FGF14: variants seen among roughly 807,000 people sequenced by gnomAD.
FGF14 encodes fibroblast growth factor 14, also known as fibroblast growth factor homologous factor 4.
FGF14 carries 5 observed loss-of-function variants against 25.5 expected under a neutral mutation model. The ratio of observed to expected loss-of-function variants is 0.20; its 90% CI spans 0.10 to 0.41. The LOEUF (loss-of-function observed/expected upper bound fraction) is 0.41. Ranked by LOEUF, FGF14 falls within the 10% of genes least tolerant of loss-of-function variation. The pLI, the probability that FGF14 is intolerant of heterozygous loss-of-function variation, is 1.00. For synonymous variants in FGF14, 138 were observed against 118.3 expected (o/e 1.17, Z -1.08); for missense variants, 222 against 320.1 (o/e 0.69, Z 2.34).
intron 1 of FGF14, among the ~76,000 whole-genome samples, chr13:101,887,978 T>C (rs1470349383): frequency 6.6e-6 from 1 of 152,030 alleles, no homozygotes; most frequent in Non-Finnish European, 1.5e-5. Flanking sequence ...TGAGATGAAA[T>C]TGAGTCAGAG....
intron 1 of FGF14, among the ~76,000 whole-genome samples, chr13:102,285,422 T>G (rs908462908): frequency 6.6e-6 from 1 of 152,166 alleles, no homozygotes; most frequent in African/African-American, 2.4e-5. Flanking sequence ...GAACTGACAG[T>G]TGGTGGGGTA....
At chr13:102,371,451 A>G (rs926622095) in intron 1 of FGF14, among the ~76,000 whole-genome samples, 1 of 152,102 alleles carries the variant, frequency 6.6e-6, no homozygotes, top group African/African-American at 2.4e-5. Context: ...GCAAACTTCT[A>G]TTCATCCTAG....
intron 1 of FGF14, among the ~76,000 whole-genome samples, chr13:102,388,533 G>A (rs2077614390): frequency 6.6e-6 from 1 of 152,090 alleles, no homozygotes; most frequent in Non-Finnish European, 1.5e-5. Context: ...TCTGTTTCAC[G>A]CATCCTTCCA....
chr13:102,044,496 G>A (rs753819642), intron 1 of FGF14, among the ~76,000 whole-genome samples: 22 of 151,764 alleles, frequency 1.4e-4, no homozygotes, highest in Non-Finnish European at 2.9e-4. Flanking sequence ...CCAGATCATC[G>A]ATCTGTTGAG....
chr13:101,894,813 CAA>C (rs1217494973), intron 1 of FGF14, among the ~76,000 whole-genome samples: 1 of 152,070 alleles, frequency 6.6e-6, no homozygotes, highest in Non-Finnish European at 1.5e-5. Context: ...TTGAAACTGA[CAA>C]AGATATTGTT....
intron 1 of FGF14, among the ~76,000 whole-genome samples, chr13:101,914,096 G>T (rs986505539): frequency 5.7e-4 from 87 of 151,850 alleles, no homozygotes; most frequent in African/African-American, 2.1e-3. Flanking sequence ...TAATAAATAT[G>T]ATTTTTTAAA....
At chr13:101,975,073 C>A (rs1489883172) in intron 1 of FGF14, among the ~76,000 whole-genome samples, 1 of 152,034 alleles carries the variant, frequency 6.6e-6, no homozygotes, top group South Asian at 2.1e-4. Flanking sequence ...ATTGAGGTGG[C>A]CCTGGCTTCC....
In FGF14 at chr13:101,717,741, C is replaced by T; in HGVS notation, c.*5090G>A. 6.6e-6 allele frequency: 1 copy of T among 152,094 alleles called. No individual in the cohort carries two copies. Among genetic ancestry groups the T allele is most frequent in the Admixed American group, 6.6e-5 (1 of 15,260 alleles). The allele number at this position is 152,094 out of a possible 1,614,324, so 9.4% of individuals were successfully genotyped here. On this transcript the variant is annotated 3_prime_UTR_variant, in exon 5 of 5. Coordinates refer to ENST00000376143, the MANE Select transcript of FGF14 (RefSeq NM_004115.4). ...ATTCCTTCTGAGCTCCCAGGCCATA[C>T]AAAAGCAACTTAAGGGTGGATTTGG...
intron 1 of FGF14, among the ~76,000 whole-genome samples, chr13:102,015,165 C>T (rs2040273630): frequency 6.6e-6 from 1 of 152,200 alleles, no homozygotes; most frequent in African/African-American, 2.4e-5. Flanking sequence ...GCCTCAGTCT[C>T]CCAAATTGCT....
intron 1 of FGF14, among the ~76,000 whole-genome samples, chr13:101,876,809 A>G (rs1052569045): frequency 2.0e-5 from 3 of 152,152 alleles, no homozygotes; most frequent in Admixed American, 6.6e-5. Flanking sequence ...GAAAAAAAAT[A>G]CTATTGTGCC....
chr13:102,038,639 T>C (rs1324693931), intron 1 of FGF14, among the ~76,000 whole-genome samples: 1 of 152,146 alleles, frequency 6.6e-6, no homozygotes, highest in Non-Finnish European at 1.5e-5. Context: ...TACTCATCTT[T>C]AGTTGGTTGT....
Position 101,722,581 on chromosome 13 carries a change from A to C in FGF14, c.*250T>G. 1 of 535,096 alleles carries C rather than the reference A, an allele frequency of 1.9e-6. No homozygotes were observed. The highest frequency in any genetic ancestry group is 3.4e-6 in the Non-Finnish European group (1 of 295,468). 33.1% of individuals were successfully genotyped at this position (535,096 alleles called of 1,614,324 possible). ...GTGTCACAGTCACAGAAAAGATATTAAAAAGGCATTCCATATCTGGTAGGG... is the reference window on the plus strand; with the variant it reads ...GTGTCACAGTCACAGAAAAGATATTCAAAAGGCATTCCATATCTGGTAGGG... On this transcript the variant is annotated 3_prime_UTR_variant, in exon 5 of 5. Transcript: ENST00000376143.
intron 1 of FGF14, among the ~76,000 whole-genome samples, chr13:102,131,191 G>A (rs923577067): frequency 2.6e-5 from 4 of 152,138 alleles, no homozygotes; most frequent in Non-Finnish European, 5.9e-5. Flanking sequence ...CTAAACCTCT[G>A]AAAGTGAGCA....
At chr13:101,947,148 CCA>C (rs2035862095) in intron 1 of FGF14, among the ~76,000 whole-genome samples, 2 of 152,174 alleles carry the variant, frequency 1.3e-5, no homozygotes, top group African/African-American at 4.8e-5. Context: ...CCATCTCACT[CCA>C]GTCAGAACTA....
intron 1 of FGF14, among the ~76,000 whole-genome samples, chr13:101,936,467 A>G (rs1209090605): frequency 6.6e-6 from 1 of 152,222 alleles, no homozygotes; most frequent in Non-Finnish European, 1.5e-5. Flanking sequence ...AGTTGCCAGT[A>G]TCAGCCTTCC....
At chr13:102,005,297 A>C (rs1046913227) in intron 1 of FGF14, among the ~76,000 whole-genome samples, 2 of 152,244 alleles carry the variant, frequency 1.3e-5, no homozygotes, top group South Asian at 2.1e-4. Context: ...TAAGCCCAAG[A>C]AATGTCTATT....
At position 101,916,665 on chromosome 13, in the gene FGF14, C is replaced by A; in HGVS notation, c.-20G>T. 6.6e-7 allele frequency: 1 copy of A among 1,511,682 alleles called. No homozygotes were observed. The highest frequency in any genetic ancestry group is 8.9e-7 in the Non-Finnish European group (1 of 1,128,006). The allele number at this position is 1,511,682 out of a possible 1,614,324, so 93.6% of individuals were successfully genotyped here. A position where few individuals can be genotyped will look rare whatever the true frequency, so the allele number is the denominator to read the frequency against. ...GGCCATGGTGGCCCCGGGAACGGGT[C>A]CGGGGAGGGAGGGCGCGGGAGGACG... On this transcript the variant is annotated 5_prime_UTR_variant, in exon 1 of 5. Transcript: ENST00000376143.
intron 1 of FGF14, among the ~76,000 whole-genome samples, chr13:102,173,051 TAACATATGA>T (rs1451542309): frequency 1.3e-5 from 2 of 152,104 alleles, no homozygotes; most frequent in African/African-American, 2.4e-5. Flanking sequence ...AATGAAAAGG[TAACATATGA>T]AACTGGAATA....
intron 3 of FGF14, among the ~76,000 whole-genome samples, chr13:101,821,039 C>T (rs879186347): frequency 2.0e-5 from 3 of 148,846 alleles, no homozygotes; most frequent in African/African-American, 7.3e-5. Context: ...GCTCCGCCCC[C>T]CGGGATTCAC....
Sources: allele counts gnomAD v4.1 joint callset (sites outside exome capture counted in the v4.1 genomes callset), GRCh38; gene constraint gnomAD v4.1.1; transcripts MANE v1.5; gene names NCBI Gene and HGNC (gene_info 2026-07-23, HGNC 2026-07-21).